The following MTNR1A variants were observed in gnomAD, a reference collection of about 807,000 sequenced individuals.
MTNR1A encodes melatonin receptor 1A.
A neutral mutation model predicts 5.5 loss-of-function variants in MTNR1A; 7 were observed. That is an observed-to-expected ratio of 1.28 (90% CI 0.73 to 2.40). The LOEUF is 2.40. Among genes scored for constraint, MTNR1A ranks in the 30% most tolerant of loss-of-function variants. The probability of loss-of-function intolerance (pLI) is 0.00; values close to 1 mark genes in which losing one functional copy is unlikely to be tolerated. For synonymous variants in MTNR1A, 196 were observed against 202.7 expected, an observed-to-expected ratio of 0.97 and a Z score of 0.28; for missense variants, 441 against 464.4, an observed-to-expected ratio of 0.95 and a Z score of 0.46.
At chr4:186,535,918 G>T (rs1050624752) in intron 1 of MTNR1A, among the ~76,000 whole-genome samples, 33 of 152,106 alleles carry the variant, frequency 2.2e-4, no homozygotes, top group African/African-American at 8.0e-4. Flanking sequence ...TTCCTCCTTT[G>T]AAGGGTCTTA....
intron 1 of MTNR1A, among the ~76,000 whole-genome samples, chr4:186,539,087 C>T (rs1003648397): frequency 5.9e-5 from 9 of 151,800 alleles, no homozygotes; most frequent in Admixed American, 2.0e-4. Context: ...CGTGGTGGTG[C>T]GCACCTGTAG....
At chr4:186,541,021 T>C (rs1423298220) in intron 1 of MTNR1A, among the ~76,000 whole-genome samples, 1 of 152,006 alleles carries the variant, frequency 6.6e-6, no homozygotes, top group African/African-American at 2.4e-5. Flanking sequence ...ACAGGGAAGA[T>C]GCAAGAGCAA....
intron 1 of MTNR1A, among the ~76,000 whole-genome samples, chr4:186,535,222 C>T (rs527914362): frequency 2.1e-4 from 32 of 152,184 alleles, no homozygotes; most frequent in Admixed American, 1.6e-3. Flanking sequence ...CGCCATGTAC[C>T]GTGTCTTACA....
intron 1 of MTNR1A, among the ~76,000 whole-genome samples, chr4:186,553,840 T>C (rs1737313255): frequency 6.6e-6 from 1 of 152,166 alleles, no homozygotes; most frequent in Non-Finnish European, 1.5e-5. Context: ...TTCTGCAGGA[T>C]TCAAACTTCC....
chr4:186,534,960 T>C (rs1736812454), intron 1 of MTNR1A, among the ~76,000 whole-genome samples: 1 of 152,224 alleles, frequency 6.6e-6, no homozygotes. Flanking sequence ...TCATTCCCTC[T>C]GTAGTGCTTC....
chr4:186,542,131 G>T lies in MTNR1A; in HGVS notation c.185-7574C>A, dbSNP rs559447007. Among the ~76,000 whole-genome samples, 9 of 152,322 alleles carry T rather than the reference G, an allele frequency of 5.9e-5. No individual in the cohort carries two copies. In the South Asian group the frequency reaches 1.9e-3, roughly 32 times the overall value. On this transcript the variant is annotated intron_variant, in intron 1 of 1. Transcript: ENST00000307161. Reference sequence around the variant, plus strand: ...AACTGATCTGGATGCAGCCACTGCTGCACTGCTGAATGTCCAGCCTGCCAA... The same window carrying T: ...AACTGATCTGGATGCAGCCACTGCTTCACTGCTGAATGTCCAGCCTGCCAA...
Position 186,534,247 on chromosome 4 carries a change from T to C in MTNR1A, c.495A>G (p.Ala165=). 1.2e-6 allele frequency: 2 copies of C among 1,614,060 alleles called. No individual in the cohort carries two copies. The highest frequency in any genetic ancestry group is 1.3e-5 in the African/African-American group (1 of 75,000). Residue 165 remains alanine (A), a synonymous_variant, in exon 2 of 2, where the codon GCA becomes GCG. Transcript: ENST00000307161. The stretch of plus-strand genomic sequence containing the variant: ...TCCTCGGGTCGTACTGGAGAGTCCC[T>C]GCACGGAGGTTGGGCAGGACGGCCG... The part of the protein sequence containing the change: ...TLAAVLPNLR[A]GTLQYDPRIY...
chr4:186,545,864 C>T (rs1737127247), intron 1 of MTNR1A, among the ~76,000 whole-genome samples: 1 of 152,074 alleles, frequency 6.6e-6, no homozygotes, highest in South Asian at 2.1e-4. Flanking sequence ...AGGGAATATT[C>T]TCTGGCAGTA....
rs187814194 is a variant in MTNR1A at position 186,538,120 on chromosome 4, C to T, written c.185-3563G>A. On this transcript the variant is annotated intron_variant, in intron 1 of 1. Transcript: ENST00000307161. The stretch of plus-strand genomic sequence containing the variant: ...CCCTTCTGGGAATGACACAGCAGCA[C>T]GACGTTGCTTTTCTGTTTATCGCGA... 5.0e-4 allele frequency among the ~76,000 whole-genome samples: 76 copies of T among 152,314 alleles called. 3 individuals carry two copies. The Middle Eastern group carries it at 0.01, about 20-fold the overall frequency.
rs1737351440 is a variant in MTNR1A at position 186,555,420 on chromosome 4, G to C, written c.-55C>G. On this transcript the variant is annotated 5_prime_UTR_variant, in exon 1 of 2. Transcript: ENST00000307161. The surrounding 1 kb of genome is among the most constrained non-coding windows in gnomAD (Gnocchi z 4.1). ...CATCGCCCGCCTCGTCCGCCCGCCC[G>C]ACCACTTGTTAAGGCTCCGCCCGGC... is the stretch of plus-strand genomic sequence containing the variant. 1 of 1,322,204 alleles carries C rather than the reference G, an allele frequency of 7.6e-7. No homozygotes were observed. The highest frequency in any genetic ancestry group is 2.1e-5 in the South Asian group (1 of 47,918). The allele number at this position is 1,322,204 out of a possible 1,614,324, so 81.9% of individuals were successfully genotyped here.
intron 1 of MTNR1A, among the ~76,000 whole-genome samples, chr4:186,546,654 GCCACCCA>G (rs1737150744): frequency 2.0e-5 from 3 of 148,994 alleles, no homozygotes; most frequent in African/African-American, 7.5e-5. Context: ...CCCTGTTCAT[GCCACCCA>G]CATCACACCC....
chr4:186,555,550 G>C lies in MTNR1A; in HGVS notation c.-185C>G. 3.0e-6 allele frequency: 1 copy of C among 337,514 alleles called. No homozygotes were observed. Among genetic ancestry groups the C allele is most frequent in the Non-Finnish European group, 5.0e-6 (1 of 200,506 alleles). The allele number at this position is 337,514 out of a possible 1,614,324, so 20.9% of individuals were successfully genotyped here. ...CCAGGTGACACCTGGTGTCCGCCGC[G>C]AGCCCGCTTGGATTCCCCGCCCGCA... On this transcript the variant is annotated 5_prime_UTR_variant, in exon 1 of 2. Coordinates refer to ENST00000307161, the MANE Select transcript of MTNR1A (RefSeq NM_005958.4). The surrounding 1 kb of genome is among the most constrained non-coding windows in gnomAD (Gnocchi z 4.1).
chr4:186,546,398 A>G (rs2111381425), intron 1 of MTNR1A, among the ~76,000 whole-genome samples: 1 of 151,312 alleles, frequency 6.6e-6, no homozygotes, highest in East Asian at 1.9e-4. Context: ...CACAGCACAC[A>G]TGACAGTGCA....
At chr4:186,538,737 C>T (rs1051383293) in intron 1 of MTNR1A, among the ~76,000 whole-genome samples, 7 of 152,202 alleles carry the variant, frequency 4.6e-5, no homozygotes, top group African/African-American at 1.7e-4. Context: ...ATTGATTGAA[C>T]CCAGACTGAT....
At chr4:186,535,648 C>G (rs556300919) in intron 1 of MTNR1A, among the ~76,000 whole-genome samples, 3 of 152,260 alleles carry the variant, frequency 2.0e-5, no homozygotes, top group African/African-American at 7.2e-5. Context: ...TGGGCTCCAG[C>G]CATCCACTTG....
At chr4:186,545,628 C>T (rs1341111669) in intron 1 of MTNR1A, among the ~76,000 whole-genome samples, 2 of 152,164 alleles carry the variant, frequency 1.3e-5, no homozygotes, top group African/African-American at 2.4e-5. Flanking sequence ...AATATTCACT[C>T]CTTCTTTCAT....
chr4:186,546,886 G>A (rs62640998), intron 1 of MTNR1A, among the ~76,000 whole-genome samples: 3 of 110,960 alleles, frequency 2.7e-5, no homozygotes, highest in African/African-American at 1.2e-4. Flanking sequence ...CACCCTGTTC[G>A]TGGGACACAC....
chr4:186,534,236 T>A lies in MTNR1A; in HGVS notation c.506A>T (p.Gln169Leu), dbSNP rs201696287. The change falls in exon 2 of 2, where the codon CAG becomes CTG. Residue 169 changes from glutamine (Q) to leucine (L), a missense_variant. Gln to Leu is a moderately radical substitution (Grantham distance 113). Coordinates refer to ENST00000307161, the MANE Select transcript of MTNR1A (RefSeq NM_005958.4). ...GCACGAGTAGATCCTCGGGTCGTACTGGAGAGTCCCTGCACGGAGGTTGGG... is the reference window on the plus strand; with the variant it reads ...GCACGAGTAGATCCTCGGGTCGTACAGGAGAGTCCCTGCACGGAGGTTGGG... The part of the protein sequence containing the change: ...VLPNLRAGTL[Q>L]YDPRIYSCTF... 1.2e-5 allele frequency: 19 copies of A among 1,613,908 alleles called. No individual in the cohort carries two copies. Among genetic ancestry groups the A allele is most frequent in the Non-Finnish European group, 1.4e-5 (16 of 1,180,008 alleles).
At position 186,534,279 on chromosome 4, in the gene MTNR1A, T is replaced by A; in HGVS notation, c.463A>T (p.Thr155Ser). ...AGGTTGGGCAGGACGGCCGCCAGCG[T>A]CAGGAGCCATATGAGGAGCACGTAG... Reference protein sequence around the residue: ...LCYVLLIWLLTLAAVLPNLRA... With the variant: ...LCYVLLIWLLSLAAVLPNLRA... The change falls in exon 2 of 2, where the codon ACG (threonine) becomes TCG (serine). Residue 155 changes from threonine (T) to serine (S), a missense_variant. Transcript: ENST00000307161. 1 of 1,614,112 alleles carries A rather than the reference T, an allele frequency of 6.2e-7. No individual in the cohort carries two copies. The highest frequency in any genetic ancestry group is 8.5e-7 in the Non-Finnish European group (1 of 1,180,020).
Sources: allele counts gnomAD v4.1 joint callset (sites outside exome capture counted in the v4.1 genomes callset), GRCh38; gene constraint gnomAD v4.1.1; non-coding constraint Gnocchi (gnomAD v3.1); transcripts MANE v1.5; gene names NCBI Gene and HGNC (gene_info 2026-07-23, HGNC 2026-07-21).